The following LRMDA variants were observed in gnomAD, a reference collection of about 807,000 sequenced individuals.
The protein encoded by LRMDA is leucine rich melanocyte differentiation associated.
A neutral mutation model predicts 29.8 loss-of-function variants in LRMDA; 18 were observed. The observed-to-expected ratio is 0.60, with a 90% confidence interval of 0.42 to 0.90. The LOEUF is 0.90. LRMDA is among the 40% of genes least tolerant of loss of function. The probability of loss-of-function intolerance (pLI) is 0.00; values close to 1 mark genes in which losing one functional copy is unlikely to be tolerated. For synonymous variants in LRMDA, 125 were observed against 109.4 expected (o/e 1.14, Z -0.89); for missense variants, 273 against 273.9 (o/e 1.00, Z 0.02).
intron 5 of LRMDA, among the ~76,000 whole-genome samples, chr10:76,173,820 T>C (rs1850883492): frequency 6.6e-6 from 1 of 152,082 alleles, no homozygotes; most frequent in African/African-American, 2.4e-5. Flanking sequence ...GCCACCACAC[T>C]TGGCTAACTT....
chr10:76,100,228 T>C (rs1849375133), intron 5 of LRMDA, among the ~76,000 whole-genome samples: 1 of 152,204 alleles, frequency 6.6e-6, no homozygotes, highest in African/African-American at 2.4e-5. Context: ...TTAGTTCAGC[T>C]AAAACCAGGT....
intron 2 of LRMDA, among the ~76,000 whole-genome samples, chr10:75,566,004 G>A (rs1267898617): frequency 6.6e-6 from 1 of 152,194 alleles, no homozygotes; most frequent in Non-Finnish European, 1.5e-5. Context: ...GAGCCTGGAA[G>A]GTCAAGGCTG....
intron 6 of LRMDA, among the ~76,000 whole-genome samples, chr10:76,502,855 CT>C (rs1842924615): frequency 1.3e-5 from 2 of 150,600 alleles, no homozygotes; most frequent in African/African-American, 4.9e-5. Context: ...AGTTTGATTT[CT>C]TCTTTGCCTA....
At chr10:75,545,492 T>A (rs150266345) in intron 2 of LRMDA, among the ~76,000 whole-genome samples, 168 of 152,280 alleles carry the variant, frequency 1.1e-3, no homozygotes, top group African/African-American at 3.9e-3. Context: ...ATGTGACAAG[T>A]GACAGTACTG....
chr10:76,015,421 G>T (rs1471124874), intron 2 of LRMDA, among the ~76,000 whole-genome samples: 1 of 152,194 alleles, frequency 6.6e-6, no homozygotes, highest in Non-Finnish European at 1.5e-5. Context: ...TTTCTTGCTG[G>T]CAGTTGGTTG....
At chr10:76,120,084 T>C (rs566629065) in intron 5 of LRMDA, among the ~76,000 whole-genome samples, 7 of 152,278 alleles carry the variant, frequency 4.6e-5, no homozygotes, top group Non-Finnish European at 8.8e-5. Flanking sequence ...TTTGACTCAA[T>C]TACCTGTATA....
At chr10:75,546,877 A>G (rs1374928687) in intron 2 of LRMDA, among the ~76,000 whole-genome samples, 3 of 152,208 alleles carry the variant, frequency 2.0e-5, no homozygotes, top group Middle Eastern at 3.2e-3. Flanking sequence ...TACATGTATT[A>G]TTTCACTGAA....
intron 2 of LRMDA, among the ~76,000 whole-genome samples, chr10:75,839,634 T>G (rs1844499863): frequency 6.6e-6 from 1 of 150,892 alleles, no homozygotes; most frequent in Non-Finnish European, 1.5e-5. Context: ...TGCAGGAGAA[T>G]GAAAAGCTTT....
chr10:75,971,110 G>A (rs1289998963), intron 2 of LRMDA, among the ~76,000 whole-genome samples: 1 of 152,144 alleles, frequency 6.6e-6, no homozygotes, highest in Admixed American at 6.5e-5. Context: ...TCCATAGTGA[G>A]TGGTTTCTCA....
At chr10:76,138,228 C>T (rs919348210) in intron 5 of LRMDA, among the ~76,000 whole-genome samples, 3 of 152,108 alleles carry the variant, frequency 2.0e-5, no homozygotes, top group Non-Finnish European at 2.9e-5. Flanking sequence ...CCCTCAATAA[C>T]AGCAAAACAG....
At chr10:76,141,235 C>T (rs1255608332) in intron 5 of LRMDA, among the ~76,000 whole-genome samples, 5 of 152,096 alleles carry the variant, frequency 3.3e-5, no homozygotes, top group African/African-American at 1.2e-4. Flanking sequence ...CTCTGTTAAT[C>T]TGTCTTTTGT....
chr10:75,817,414 G>A (rs759669907), intron 2 of LRMDA, among the ~76,000 whole-genome samples: 1 of 152,200 alleles, frequency 6.6e-6, no homozygotes, highest in Non-Finnish European at 1.5e-5. Context: ...TCCTCTTCCA[G>A]CAGATTAGAC....
chr10:75,647,389 A>G (rs1464282238), intron 2 of LRMDA: 1 of 152,340 alleles, frequency 6.6e-6, no homozygotes, highest in Non-Finnish European at 1.5e-5. Flanking sequence ...GGAGGTGCCA[A>G]CTCCATGCTT....
chr10:76,537,262 C>G (rs975748944), intron 6 of LRMDA, among the ~76,000 whole-genome samples: 1 of 152,134 alleles, frequency 6.6e-6, no homozygotes, highest in Non-Finnish European at 1.5e-5. Flanking sequence ...ATTTTGGAAA[C>G]CAGTATGTGG....
intron 5 of LRMDA, among the ~76,000 whole-genome samples, chr10:76,229,376 G>A (rs769445635): frequency 1.3e-5 from 2 of 152,302 alleles, no homozygotes; most frequent in Admixed American, 6.5e-5. Context: ...AAAAGTAAAT[G>A]ATGTTTAGGA....
At position 75,528,141 on chromosome 10, in the gene LRMDA, A is replaced by G. The variant is rs993361986; in HGVS notation, c.131+89647A>G. ...ATAAGGGAAATTGAACCCAACCTATATCAGCAGGAGGGAGAGCTGAGAACC... is the reference window on the plus strand; with the variant it reads ...ATAAGGGAAATTGAACCCAACCTATGTCAGCAGGAGGGAGAGCTGAGAACC... On this transcript the variant is annotated intron_variant, in intron 2 of 6. Coordinates refer to ENST00000611255, the MANE Select transcript of LRMDA (RefSeq NM_001305581.2). Among the ~76,000 whole-genome samples the G allele has an allele frequency of 2.0e-5, 3 of 152,170 alleles. No homozygotes were observed. In the East Asian group the frequency reaches 5.8e-4, roughly 29 times the overall value.
chr10:76,424,087 T>G (rs1004367284), intron 6 of LRMDA, among the ~76,000 whole-genome samples: 4 of 152,164 alleles, frequency 2.6e-5, no homozygotes, highest in African/African-American at 9.7e-5. Flanking sequence ...CATCAAAACT[T>G]TCCTTTCTGT....
At chr10:76,031,944 C>T (rs372885268) in intron 2 of LRMDA, among the ~76,000 whole-genome samples, 1 of 152,162 alleles carries the variant, frequency 6.6e-6, no homozygotes, top group African/African-American at 2.4e-5. Context: ...CTCTGTCACC[C>T]CTGGTATAGG....
intron 2 of LRMDA, among the ~76,000 whole-genome samples, chr10:75,814,152 G>A (rs2132274315): frequency 6.6e-6 from 1 of 152,330 alleles, no homozygotes; most frequent in South Asian, 2.1e-4. Context: ...CCTTGAACTT[G>A]AAGATCCTGC....
Sources: gnomAD v4.1 joint callset for allele counts (sites outside exome capture counted in the v4.1 genomes callset) on GRCh38, gnomAD v4.1.1 for gene constraint, MANE v1.5 for transcripts, NCBI Gene and HGNC (gene_info 2026-07-23, HGNC 2026-07-21) for gene names.